The following SLA variants were observed in gnomAD, a reference collection of about 807,000 sequenced individuals.
The protein encoded by SLA is Src like adaptor, also known as src-like-adapter.
SLA carries 16 observed loss-of-function variants against 30.3 expected under a neutral mutation model. The observed-to-expected ratio is 0.53, with a 90% confidence interval of 0.36 to 0.80. The LOEUF is 0.80. Among genes scored for constraint, SLA ranks in the 30% least tolerant of loss-of-function variants. The pLI is 0.01. For synonymous variants in SLA, 143 were observed against 137.8 expected, an observed-to-expected ratio of 1.04 and a Z score of -0.26; for missense variants, 310 against 345.2, an observed-to-expected ratio of 0.90 and a Z score of 0.81.
intron 2 of SLA, among the ~76,000 whole-genome samples, chr8:133,069,562 C>T (rs1843635080): frequency 1.3e-5 from 2 of 152,274 alleles, no homozygotes; most frequent in Admixed American, 6.5e-5. Context: ...GGTCACAATT[C>T]GACGGTCATT....
chr8:133,062,620 C>A (rs750795849), intron 2 of SLA, among the ~76,000 whole-genome samples: 59 of 152,372 alleles, frequency 3.9e-4, no homozygotes, highest in Non-Finnish European at 7.5e-4. Flanking sequence ...GCCACAGGCG[C>A]TGTCCTGCAC....
In SLA at chr8:133,040,311, A is replaced by T. The variant is rs565754591; in HGVS notation, c.485-181T>A. ...TGAAAGTCACGCGCCCAGCTGTTTGAGAAATGTAAGCGTGCCCTGGTATAC... is the reference window on the plus strand; with the variant it reads ...TGAAAGTCACGCGCCCAGCTGTTTGTGAAATGTAAGCGTGCCCTGGTATAC... On this transcript the variant is annotated intron_variant, in intron 7 of 8. Coordinates refer to ENST00000338087, the MANE Select transcript of SLA (RefSeq NM_001045556.3). 2.0e-4 allele frequency: 132 copies of T among 644,528 alleles called. No individual in the cohort carries two copies. The African/African-American group carries it at 2.3e-3, about 11-fold the overall frequency. The allele number at this position is 644,528 out of a possible 1,614,324, so 39.9% of individuals were successfully genotyped here.
chr8:133,058,994 G>T (rs985324317), intron 3 of SLA: 1 of 465,872 alleles, frequency 2.1e-6, no homozygotes, highest in African/African-American at 2.0e-5. Flanking sequence ...AGCTGGGCCT[G>T]TCCATTTTGG....
chr8:133,038,359 T>C lies in SLA; in HGVS notation c.*165A>G, dbSNP rs957833559. ...CACCAGGGAGGGGTTCCTTTGGTCA[T>C]GATGTGGATAGAGAAGATGCGAATT... On this transcript the variant is annotated 3_prime_UTR_variant, in exon 9 of 9. Coordinates refer to ENST00000338087, the MANE Select transcript of SLA (RefSeq NM_001045556.3). 1.4e-5 allele frequency: 9 copies of C among 623,396 alleles called. No individual in the cohort carries two copies. The highest frequency in any genetic ancestry group is 7.3e-5 in the African/African-American group (4 of 54,544). The allele number at this position is 623,396 out of a possible 1,614,324, so 38.6% of individuals were successfully genotyped here.
chr8:133,088,169 A>G (rs1366733218), intron 1 of SLA, among the ~76,000 whole-genome samples: 1 of 152,182 alleles, frequency 6.6e-6, no homozygotes, highest in Non-Finnish European at 1.5e-5. Flanking sequence ...CCCTTGTCTC[A>G]CAAGGCCTTT....
chr8:133,094,802 C>T (rs1848162307), intron 1 of SLA: 4 of 590,594 alleles, frequency 6.8e-6, no homozygotes, highest in African/African-American at 1.8e-5. Context: ...TTCCCTTGTG[C>T]AGCACCCTCA....
rs773261263 is a variant in SLA, at chr8:133,096,305, G to C, written c.-319+6248C>G. The stretch of plus-strand genomic sequence containing the variant: ...CAGAGCACTGAAGAGGTCTTTATGG[G>C]TAGAGGTCGATCTGCTCATTGGGAG... On this transcript the variant is annotated intron_variant, in intron 1 of 8. Transcript: ENST00000338087. The C allele has an allele frequency of 1.1e-5, 18 of 1,614,184 alleles. No homozygotes were observed. Among genetic ancestry groups the C allele is most frequent in the Non-Finnish European group, 1.4e-5 (17 of 1,180,050 alleles).
intron 3 of SLA, among the ~76,000 whole-genome samples, chr8:133,051,419 G>C (rs1246195973): frequency 6.6e-6 from 1 of 152,130 alleles, no homozygotes; most frequent in Non-Finnish European, 1.5e-5. Context: ...GACACTTTTG[G>C]GGAAGGAGTG....
chr8:133,102,509 G>A (rs949375337), intron 1 of SLA, 44 bp downstream of exon 1: 24 of 1,545,552 alleles, frequency 1.6e-5, no homozygotes, highest in Non-Finnish European at 1.8e-5. Context: ...GGCCACCTAT[G>A]GCCCACCCAG....
rs536391247 is a variant in SLA, at chr8:133,072,893, G to A, written c.-41+1960C>T. 3.3e-5 allele frequency: 5 copies of A among 152,300 alleles called. 1 individual carries two copies. In the South Asian group the frequency reaches 1.0e-3, roughly 32 times the overall value. The allele number at this position is 152,300 out of a possible 1,614,324, so 9.4% of individuals were successfully genotyped here. The stretch of plus-strand genomic sequence containing the variant: ...AGCAGAAATACATATTCAGAAAAAT[G>A]GAGGAGTGCCCCACTCATTGCTTTA... On this transcript the variant is annotated intron_variant, in intron 2 of 8. Coordinates refer to ENST00000338087, the MANE Select transcript of SLA (RefSeq NM_001045556.3).
Position 133,038,425 on chromosome 8 carries a change from A to G in SLA, c.*99T>C. 1 of 892,126 alleles carries G rather than the reference A, an allele frequency of 1.1e-6. No individual in the cohort carries two copies. The highest frequency in any genetic ancestry group is 2.4e-5 in the East Asian group (1 of 41,710). 55.3% of individuals were successfully genotyped at this position (892,126 alleles called of 1,614,324 possible). ...CTTCTCTTGGCTTCTAAAATACGTGAGGCTCCCAGGGATCAGGGAACCTCG... is the reference window on the plus strand; with the variant it reads ...CTTCTCTTGGCTTCTAAAATACGTGGGGCTCCCAGGGATCAGGGAACCTCG... On this transcript the variant is annotated 3_prime_UTR_variant, in exon 9 of 9. Coordinates refer to ENST00000338087, the MANE Select transcript of SLA (RefSeq NM_001045556.3).
chr8:133,065,710 T>C (rs2739139), intron 2 of SLA, among the ~76,000 whole-genome samples: 127,186 of 152,120 alleles, frequency 0.84, 53,618 homozygotes, highest in African/African-American at 0.94. Flanking sequence ...GGCAGTGAGT[T>C]GAGATCAGGC....
chr8:133,085,392 G>T (rs1446698904), intron 1 of SLA, among the ~76,000 whole-genome samples: 1 of 152,110 alleles, frequency 6.6e-6, no homozygotes, highest in Non-Finnish European at 1.5e-5. Context: ...TGCTCCAAAA[G>T]ATGCCATGAA....
At chr8:133,065,162 C>A (rs963376131) in intron 2 of SLA, among the ~76,000 whole-genome samples, 3 of 152,154 alleles carry the variant, frequency 2.0e-5, no homozygotes, top group African/African-American at 7.2e-5. Flanking sequence ...CCAACAACAA[C>A]GGTGATGACC....
At chr8:133,056,083 G>C (rs532417272) in intron 3 of SLA, among the ~76,000 whole-genome samples, 2 of 152,244 alleles carry the variant, frequency 1.3e-5, no homozygotes, top group African/African-American at 4.8e-5. Context: ...CCCTGGGCAG[G>C]GCAGGGCATG....
At chr8:133,041,474 A>G (rs569733149) in intron 7 of SLA, among the ~76,000 whole-genome samples, 58 of 152,308 alleles carry the variant, frequency 3.8e-4, no homozygotes, top group African/African-American at 1.3e-3. Flanking sequence ...CCATGAATTT[A>G]GAGGGAGATT....
intron 2 of SLA, among the ~76,000 whole-genome samples, chr8:133,063,227 G>A (rs1160585542): frequency 4.2e-5 from 6 of 144,014 alleles, no homozygotes; most frequent in East Asian, 2.0e-4. Flanking sequence ...CCAGAACCCC[G>A]CCCCCATAAG....
chr8:133,038,277 A>C lies in SLA; in HGVS notation c.*247T>G. 1.8e-6 allele frequency: 1 copy of C among 542,568 alleles called. No individual in the cohort carries two copies. The highest frequency in any genetic ancestry group is 3.3e-6 in the Non-Finnish European group (1 of 301,420). The allele number at this position is 542,568 out of a possible 1,614,324, so 33.6% of individuals were successfully genotyped here. A position where few individuals can be genotyped will look rare whatever the true frequency, so the allele number is the denominator to read the frequency against. Reference sequence around the variant, plus strand: ...GCATACATACATGCTGGGCTCTTCCAAGCATCGCCCGACATGTCATGATCC... The same window carrying C: ...GCATACATACATGCTGGGCTCTTCCCAGCATCGCCCGACATGTCATGATCC... On this transcript the variant is annotated 3_prime_UTR_variant, in exon 9 of 9. Transcript: ENST00000338087.
At chr8:133,094,037 C>T (rs1341614997) in intron 1 of SLA, among the ~76,000 whole-genome samples, 1 of 152,098 alleles carries the variant, frequency 6.6e-6, no homozygotes, top group Admixed American at 6.5e-5. Flanking sequence ...TTACCCATGA[C>T]TCTTCAGTGG....
Sources: allele counts gnomAD v4.1 joint callset (sites outside exome capture counted in the v4.1 genomes callset), GRCh38; gene constraint gnomAD v4.1.1; transcripts MANE v1.5; gene names NCBI Gene and HGNC (gene_info 2026-07-23, HGNC 2026-07-21).